The following SRGAP2 variants were observed in gnomAD, a reference collection of about 807,000 sequenced individuals.
SRGAP2 encodes the protein SLIT-ROBO Rho GTPase activating protein 2, also known as SLIT-ROBO Rho GTPase-activating protein 2.
SRGAP2 carries 15 observed loss-of-function variants against 57.2 expected under a neutral mutation model. The ratio of observed to expected loss-of-function variants is 0.26; its 90% CI spans 0.18 to 0.40. SRGAP2 has a LOEUF of 0.40. Ranked by LOEUF, SRGAP2 falls within the 10% of genes least tolerant of loss-of-function variation. The probability of loss-of-function intolerance (pLI) is 1.00; values close to 1 mark genes in which losing one functional copy is unlikely to be tolerated. For missense variants in SRGAP2, 520 were observed against 669.6 expected (o/e 0.78, Z 2.47); for synonymous variants, 249 against 248.0 (o/e 1.00, Z -0.04).
At chr1:206,414,766 A>C (rs556634009) in intron 10 of SRGAP2, among the ~76,000 whole-genome samples, 1 of 152,344 alleles carries the variant, frequency 6.6e-6, no homozygotes, top group East Asian at 1.9e-4. Context: ...CCCTGAGATA[A>C]TCTTATCTGT....
At chr1:206,276,782 G>A (rs1307070798) in intron 2 of SRGAP2, among the ~76,000 whole-genome samples, 6 of 152,276 alleles carry the variant, frequency 3.9e-5, no homozygotes, top group Non-Finnish European at 7.4e-5. Context: ...GTAGATGGAT[G>A]AGGAATCTTC....
intron 2 of SRGAP2, among the ~76,000 whole-genome samples, chr1:206,241,954 T>TG (rs1668262451): frequency 2.8e-5 from 3 of 105,506 alleles, no homozygotes; most frequent in Non-Finnish European, 5.8e-5. Context: ...GTGTGTGTGT[T>TG]TTATCTCCTT....
chr1:206,346,773 A>G (rs1307352563), intron 4 of SRGAP2, among the ~76,000 whole-genome samples: 13 of 152,228 alleles, frequency 8.5e-5, no homozygotes, highest in African/African-American at 3.1e-4. Context: ...TATAAAACTT[A>G]ATGATTCACT....
At chr1:206,225,609 G>A in intron 2 of SRGAP2, among the ~76,000 whole-genome samples, 1 of 152,142 alleles carries the variant, frequency 6.6e-6, no homozygotes, top group African/African-American at 2.4e-5. Context: ...CATTAAATCT[G>A]TCATTTTCTT....
At chr1:206,430,319 C>A in intron 14 of SRGAP2, 97 bp downstream of exon 14, 1 of 737,248 alleles carries the variant, frequency 1.4e-6, no homozygotes, top group Non-Finnish European at 2.6e-6. Context: ...ACTTCCCATC[C>A]TGGCATTCTC....
rs1572200473 is a variant in SRGAP2, at chr1:206,454,792, C to T, written c.2361-86C>T. The T allele has an allele frequency of 7.6e-6, 5 of 662,074 alleles. No individual in the cohort carries two copies. Among genetic ancestry groups the T allele is most frequent in the Admixed American group, 4.6e-5 (2 of 43,202 alleles). The allele number at this position is 662,074 out of a possible 1,614,324, so 41.0% of individuals were successfully genotyped here. ...GAGCTGTGTGGGGTCGCGTGTATGT[C>T]GGGGGGCCATCTTGCCGATTTAACG... On this transcript the variant is annotated intron_variant, in intron 20 of 22. Transcript: ENST00000573034. The surrounding 1 kb of genome is among the most constrained non-coding windows in gnomAD (Gnocchi z 4.3).
chr1:206,307,825 C>T (rs1437543373), intron 3 of SRGAP2, among the ~76,000 whole-genome samples: 1 of 151,900 alleles, frequency 6.6e-6, no homozygotes, highest in South Asian at 2.1e-4. Flanking sequence ...GGTTCCCGCT[C>T]GTGCCTCTCC....
intron 11 of SRGAP2, among the ~76,000 whole-genome samples, chr1:206,416,206 C>T (rs1242530381): frequency 3.3e-5 from 5 of 152,168 alleles, no homozygotes; most frequent in Non-Finnish European, 4.4e-5. Flanking sequence ...TTAAATGGAG[C>T]GTGCCTGCTC....
chr1:206,442,100 A>G (rs1553372242), intron 17 of SRGAP2, among the ~76,000 whole-genome samples: 1 of 152,242 alleles, frequency 6.6e-6, no homozygotes, highest in Admixed American at 6.5e-5. Flanking sequence ...TTTGTGGTCA[A>G]CCTGGCCTTA....
At chr1:206,448,789 AATTCATCAG>A (rs1410204935) in intron 18 of SRGAP2, among the ~76,000 whole-genome samples, 2 of 152,194 alleles carry the variant, frequency 1.3e-5, no homozygotes, top group African/African-American at 4.8e-5. Flanking sequence ...AACATTACAA[AATTCATCAG>A]ATTCATCAGA....
In SRGAP2 at chr1:206,370,468, A is replaced by C. The variant is rs573783555; in HGVS notation, c.424-13546A>C. Among the ~76,000 whole-genome samples, 958 of 152,332 alleles carry C rather than the reference A, an allele frequency of 6.3e-3. 4 individuals carry two copies. Among genetic ancestry groups the C allele is most frequent in the South Asian group, 9.1e-3 (44 of 4,830 alleles). On this transcript the variant is annotated intron_variant, in intron 4 of 22. Coordinates refer to ENST00000573034, the MANE Select transcript of SRGAP2 (RefSeq NM_015326.5). ...ATGCTACAATATGGATATACCCTGAAAACATTGTAAGTGAAAGAAGCTAAA... is the reference window on the plus strand; with the variant it reads ...ATGCTACAATATGGATATACCCTGACAACATTGTAAGTGAAAGAAGCTAAA...
At chr1:206,407,867 ATATAAT>A (rs1434628234) in intron 10 of SRGAP2, 5 of 147,114 alleles carry the variant, frequency 3.4e-5, no homozygotes, top group East Asian at 2.0e-4. Flanking sequence ...AATCTAAGTC[ATATAAT>A]TATAATATTC....
chr1:206,258,299 TA>T (rs199948662), intron 2 of SRGAP2, among the ~76,000 whole-genome samples: 3,243 of 152,234 alleles, frequency 0.021, 108 homozygotes, highest in African/African-American at 0.074. Context: ...CAGAGTTGAG[TA>T]GTTTCAACAG....
intron 8 of SRGAP2, among the ~76,000 whole-genome samples, chr1:206,404,609 T>C (rs1305375677): frequency 6.6e-6 from 1 of 151,532 alleles, no homozygotes; most frequent in East Asian, 2.0e-4. Context: ...CAATAATCCT[T>C]GCGGGAAGGT....
Position 206,462,816 on chromosome 1 carries a change from C to G in SRGAP2, c.*1396C>G, listed in dbSNP as rs1664347369. 1 of 152,186 alleles carries G rather than the reference C, an allele frequency of 6.6e-6. No individual in the cohort carries two copies. Among genetic ancestry groups the G allele is most frequent in the Non-Finnish European group, 1.5e-5 (1 of 68,030 alleles). 9.4% of individuals were successfully genotyped at this position (152,186 alleles called of 1,614,324 possible). On this transcript the variant is annotated 3_prime_UTR_variant, in exon 23 of 23. Transcript: ENST00000573034. ...CAAAATGCACAAATCATACCCTTGT[C>G]TGCTCCAATTCAGTCTCCAAACCTG... is the stretch of plus-strand genomic sequence containing the variant.
At chr1:206,248,140 G>A (rs1196939974) in intron 2 of SRGAP2, among the ~76,000 whole-genome samples, 18 of 152,022 alleles carry the variant, frequency 1.2e-4, no homozygotes, top group Admixed American at 4.6e-4. Flanking sequence ...TTGGCTTCTC[G>A]TATAGGAATA....
chr1:206,456,051 C>T (rs1403242114), intron 21 of SRGAP2: 1 of 152,254 alleles, frequency 6.6e-6, no homozygotes, highest in African/African-American at 2.4e-5. Context: ...TTTTATTCCC[C>T]TCTGGCTTTT....
At chr1:206,447,255 A>T (rs1404699874) in intron 18 of SRGAP2, among the ~76,000 whole-genome samples, 1 of 152,102 alleles carries the variant, frequency 6.6e-6, no homozygotes, top group Admixed American at 6.6e-5. Flanking sequence ...CCCAAATCGG[A>T]TTCTGTCTGA....
chr1:206,254,993 C>T (rs1357153837), intron 2 of SRGAP2, among the ~76,000 whole-genome samples: 3 of 151,258 alleles, frequency 2.0e-5, no homozygotes, highest in Admixed American at 6.6e-5. Flanking sequence ...ACTGCCCTCA[C>T]TGGAGCCAAT....
Sources: gnomAD v4.1 joint callset for allele counts (sites outside exome capture counted in the v4.1 genomes callset) on GRCh38, gnomAD v4.1.1 for gene constraint, Gnocchi (gnomAD v3.1) non-coding constraint, MANE v1.5 for transcripts, NCBI Gene and HGNC (gene_info 2026-07-23, HGNC 2026-07-21) for gene names.